TBX15: variants seen among roughly 807,000 people sequenced by gnomAD.
TBX15 encodes the protein T-box transcription factor 15, also known as T-box transcription factor TBX15.
Under a neutral mutation model 53.9 loss-of-function variants are expected in TBX15, and 18 were observed. The observed-to-expected ratio is 0.33, with a 90% CI of 0.23 to 0.49. TBX15 has a LOEUF of 0.49. Ranked by LOEUF, TBX15 falls within the 20% of genes least tolerant of loss-of-function variation. The probability of loss-of-function intolerance (pLI) is 0.98; values close to 1 mark genes in which losing one functional copy is unlikely to be tolerated. For synonymous variants in TBX15, 295 were observed against 278.0 expected, an observed-to-expected ratio of 1.06 and a Z score of -0.61; for missense variants, 692 against 749.5, an observed-to-expected ratio of 0.92 and a Z score of 0.90.
At chr1:118,961,709 C>T (rs1439650639) in intron 1 of TBX15, among the ~76,000 whole-genome samples, 1 of 152,192 alleles carries the variant, frequency 6.6e-6, no homozygotes, top group Non-Finnish European at 1.5e-5. Context: ...TATCATGTGT[C>T]TAACCCCATT....
intron 1 of TBX15, among the ~76,000 whole-genome samples, chr1:118,947,046 G>A (rs961251084): frequency 1.2e-4 from 18 of 152,228 alleles, no homozygotes. Flanking sequence ...GTGCTCTTAG[G>A]CAGTGGTCCC....
intron 1 of TBX15, among the ~76,000 whole-genome samples, chr1:118,973,524 C>A (rs551419813): frequency 2.0e-4 from 31 of 152,144 alleles, no homozygotes; most frequent in African/African-American, 7.0e-4. Context: ...ATACACATGC[C>A]CAAAAACTGC....
At chr1:118,966,590 T>A (rs994387493) in intron 1 of TBX15, among the ~76,000 whole-genome samples, 7 of 152,094 alleles carry the variant, frequency 4.6e-5, no homozygotes, top group Non-Finnish European at 8.8e-5. Context: ...GGTAAGGAAA[T>A]GAGGTACGGA....
chr1:118,893,413 G>GAAAGA (rs1654252377), intron 7 of TBX15, among the ~76,000 whole-genome samples: 1 of 135,290 alleles, frequency 7.4e-6, no homozygotes, highest in Admixed American at 7.4e-5. Context: ...AAGAAAGGAA[G>GAAAGA]AAGGAAAGAA....
intron 6 of TBX15, among the ~76,000 whole-genome samples, chr1:118,902,533 G>T (rs1303500821): frequency 2.0e-5 from 3 of 152,184 alleles, no homozygotes; most frequent in Non-Finnish European, 4.4e-5. Context: ...ATTTTTCTAA[G>T]CCTAAAACTT....
At chr1:118,901,626 A>G (rs755772406) in intron 6 of TBX15, among the ~76,000 whole-genome samples, 13 of 152,224 alleles carry the variant, frequency 8.5e-5, no homozygotes, top group Non-Finnish European at 1.9e-4. Context: ...TTGTAAAATC[A>G]CATATTTTAA....
At chr1:118,893,313 GGA>G (rs1654228077) in intron 7 of TBX15, among the ~76,000 whole-genome samples, 5 of 90,138 alleles carry the variant, frequency 5.5e-5, no homozygotes, top group Middle Eastern at 7.7e-3. Context: ...AAGGAAGGAA[GGA>G]AAGAAAGAAA....
chr1:118,941,901 C>T (rs1656188213), intron 1 of TBX15, among the ~76,000 whole-genome samples: 1 of 152,164 alleles, frequency 6.6e-6, no homozygotes, highest in Admixed American at 6.5e-5. Context: ...CTTCTTAAGC[C>T]TTTGTTTTAT....
rs368418125 is a variant in TBX15, at chr1:118,885,391, C to T, written c.1150G>A (p.Val384Met). 9.9e-6 allele frequency: 16 copies of T among 1,613,810 alleles called. No individual in the cohort carries two copies. The African/African-American group carries it at 1.9e-4, about 19-fold the overall frequency. The change falls in exon 8 of 8, where the codon GTG becomes ATG. Residue 384 changes from valine to methionine, a missense_variant. By Grantham distance (21) the Val-to-Met change is conservative (BLOSUM62 1). Around this residue, in one of 3 missense-constraint regions of TBX15, gnomAD observed 375 missense variants for 371.6 expected, o/e 1.01. Transcript: ENST00000369429. The stretch of plus-strand genomic sequence containing the variant: ...CACAGCTGGCTTTCTCGGCAGCCCA[C>T]ATTGAAAGTGTTGGGGGCCAGATGA... ...TFHLAPNTFN[V>M]GCRESQLCNL...
intron 1 of TBX15, among the ~76,000 whole-genome samples, chr1:118,958,122 A>C (rs1656752899): frequency 6.6e-6 from 1 of 152,238 alleles, no homozygotes; most frequent in African/African-American, 2.4e-5. Context: ...TCAAAACCCT[A>C]ACCTCCAATG....
intron 1 of TBX15, among the ~76,000 whole-genome samples, chr1:118,978,073 G>A (rs897835436): frequency 3.3e-5 from 5 of 152,204 alleles, no homozygotes; most frequent in African/African-American, 4.8e-5. Context: ...CTTTAAATTC[G>A]CTAATGCCGT....
intron 1 of TBX15, among the ~76,000 whole-genome samples, chr1:118,933,101 C>T (rs542861029): frequency 4.6e-5 from 7 of 152,184 alleles, no homozygotes; most frequent in Admixed American, 3.9e-4. Flanking sequence ...TGCTGCCAAC[C>T]TCACTTACCT....
chr1:118,908,315 C>T lies in TBX15; in HGVS notation c.926+5800G>A, dbSNP rs1001463477. On this transcript the variant is annotated intron_variant, in intron 6 of 7. Coordinates refer to ENST00000369429, the MANE Select transcript of TBX15 (RefSeq NM_001330677.2). ...ACAGAAACCTGCAATAGGTACAGTC[C>T]CAGTCTTCCAGGAGCTTATATTCTA... Among the ~76,000 whole-genome samples, 5 of 151,672 alleles carry T rather than the reference C, an allele frequency of 3.3e-5. No individual in the cohort carries two copies. The South Asian group carries it at 6.3e-4, about 19-fold the overall frequency.
Position 118,884,273 on chromosome 1 carries a change from ACCC to A in TBX15, c.*456_*458del. 1.1e-5 allele frequency: 2 copies of A among 180,526 alleles called. No individual in the cohort carries two copies. 11.2% of individuals were successfully genotyped at this position (180,526 alleles called of 1,614,324 possible). Reference sequence around the variant, plus strand: ...TTCTGGGCCTCCCTCCACAGAGTTCACCCAGTTCAGAGTCAGTGTGCATGTATG... The same window carrying A: ...TTCTGGGCCTCCCTCCACAGAGTTCAAGTTCAGAGTCAGTGTGCATGTATG... On this transcript the variant is annotated 3_prime_UTR_variant, in exon 8 of 8. Coordinates refer to ENST00000369429, the MANE Select transcript of TBX15 (RefSeq NM_001330677.2).
chr1:118,884,683 G>A lies in TBX15; in HGVS notation c.*49C>T. On this transcript the variant is annotated 3_prime_UTR_variant, in exon 8 of 8. Coordinates refer to ENST00000369429, the MANE Select transcript of TBX15 (RefSeq NM_001330677.2). The stretch of plus-strand genomic sequence containing the variant: ...CCAAAGAGGAGGATCTGACCACGGA[G>A]ACTCTGGGGCCTTGATTGCCAAATG... 1 of 1,610,896 alleles carries A rather than the reference G, an allele frequency of 6.2e-7. No homozygotes were observed. The highest frequency in any genetic ancestry group is 8.5e-7 in the Non-Finnish European group (1 of 1,178,230).
intron 1 of TBX15, among the ~76,000 whole-genome samples, chr1:118,965,712 C>T (rs957526570): frequency 6.6e-6 from 1 of 152,100 alleles, no homozygotes; most frequent in African/African-American, 2.4e-5. Flanking sequence ...AAGATCCACA[C>T]GATGGAATTC....
chr1:118,963,397 C>T (rs1169210407), intron 1 of TBX15, among the ~76,000 whole-genome samples: 1 of 152,236 alleles, frequency 6.6e-6, no homozygotes, highest in Non-Finnish European at 1.5e-5. Context: ...TGGACCACCA[C>T]AGGCACCTTC....
chr1:118,890,559 A>G (rs144180796), intron 7 of TBX15, among the ~76,000 whole-genome samples: 189 of 152,276 alleles, frequency 1.2e-3, no homozygotes, highest in African/African-American at 4.4e-3. Context: ...TCCAATATCC[A>G]AGGCTAATGG....
intron 6 of TBX15, among the ~76,000 whole-genome samples, chr1:118,902,934 G>A (rs1290974711): frequency 6.6e-6 from 1 of 151,996 alleles, no homozygotes; most frequent in South Asian, 2.1e-4. Flanking sequence ...ATTGTCTAAC[G>A]GGTGAAAAAA....
Sources: allele counts gnomAD v4.1 joint callset (sites outside exome capture counted in the v4.1 genomes callset), GRCh38; gene constraint gnomAD v4.1.1; regional missense constraint gnomAD v4.1.1; transcripts MANE v1.5; gene names NCBI Gene and HGNC (gene_info 2026-07-23, HGNC 2026-07-21).